The following FYB2 variants were observed in gnomAD, a reference collection of about 807,000 sequenced individuals.
FYB2 encodes FYN binding protein 2, also known as FYN-binding protein 2.
Under a neutral mutation model 94.1 loss-of-function variants are expected in FYB2, and 103 were observed. The observed-to-expected ratio is 1.09, with a 90% confidence interval of 0.93 to 1.29. FYB2 has a LOEUF of 1.29. FYB2 is among the 50% of genes most tolerant of loss of function. FYB2 has a pLI of 0.00. For missense variants in FYB2, 896 were observed against 841.5 expected (o/e 1.06, Z -0.80); for synonymous variants, 293 against 287.9 (o/e 1.02, Z -0.18).
rs752932085 is a variant in FYB2, at chr1:56,789,140, C to A, written c.758-6G>T. 6.4e-7 allele frequency: 1 copy of A among 1,552,988 alleles called. No homozygotes were observed. Among genetic ancestry groups the A allele is most frequent in the Non-Finnish European group, 8.7e-7 (1 of 1,154,242 alleles). On this transcript the variant is annotated splice_polypyrimidine_tract_variant and splice_region_variant and intron_variant, in intron 2 of 19. Transcript: ENST00000343433. ...CCTGACATCTGGCTGTTTTTCTGAA[C>A]ACAAGACAGTAAAAAATGTAAGTTA...
intron 3 of FYB2, 184 bp downstream of exon 3, chr1:56,788,789 A>G: frequency 1.3e-6 from 1 of 776,134 alleles, no homozygotes; most frequent in East Asian, 2.7e-5. Flanking sequence ...TAGGAGCGAT[A>G]AAGGGCCAAT....
intron 1 of FYB2, among the ~76,000 whole-genome samples, chr1:56,816,909 A>T (rs1188843379): frequency 6.9e-6 from 1 of 144,604 alleles, no homozygotes; most frequent in Non-Finnish European, 1.5e-5. Flanking sequence ...TGCTGACCCT[A>T]CCTTTAATCT....
chr1:56,744,023 T>TA lies in FYB2; in HGVS notation c.1543+2dup. ...AACTTCAGAAATGTCTTCCTATACT[T>TA]ACCACTACTTGAGGCAAGTGAGCTA... On this transcript the variant is annotated splice_region_variant and intron_variant, in intron 11 of 19. Coordinates refer to ENST00000343433, the MANE Select transcript of FYB2 (RefSeq NM_001004303.5). 1.2e-6 allele frequency: 2 copies of TA among 1,612,042 alleles called. No homozygotes were observed. Among genetic ancestry groups the TA allele is most frequent in the Non-Finnish European group, 1.7e-6 (2 of 1,179,066 alleles).
intron 2 of FYB2, among the ~76,000 whole-genome samples, chr1:56,791,534 C>G (rs1405301303): frequency 2.0e-5 from 3 of 152,138 alleles, no homozygotes; most frequent in Non-Finnish European, 4.4e-5. Flanking sequence ...AGGCATAAGC[C>G]ACCGTGCCCA....
At chr1:56,810,507 A>G (rs1646743880) in intron 1 of FYB2, among the ~76,000 whole-genome samples, 1 of 152,038 alleles carries the variant, frequency 6.6e-6, no homozygotes, top group Non-Finnish European at 1.5e-5. Flanking sequence ...CAATTCACAC[A>G]CCCATTTTCC....
chr1:56,746,383 T>C (rs889404177), intron 9 of FYB2, among the ~76,000 whole-genome samples: 3 of 152,018 alleles, frequency 2.0e-5, no homozygotes, highest in African/African-American at 7.2e-5. Flanking sequence ...TCCATGTTTT[T>C]CTTATCTTCA....
Position 56,755,444 on chromosome 1 carries a change from G to C in FYB2, c.1130+452C>G, listed in dbSNP as rs548470178. On this transcript the variant is annotated intron_variant, in intron 7 of 19. Coordinates refer to ENST00000343433, the MANE Select transcript of FYB2 (RefSeq NM_001004303.5). ...TGGATTAGTAGAAGCTTGCCAGACT[G>C]TTAAATTGGGGTGAATCAATGACTT... Among the ~76,000 whole-genome samples the C allele has an allele frequency of 1.2e-4, 18 of 152,200 alleles. 1 individual carries two copies. The South Asian group carries it at 2.1e-3, about 18-fold the overall frequency.
intron 2 of FYB2, among the ~76,000 whole-genome samples, chr1:56,791,436 A>C (rs535683582): frequency 6.6e-6 from 1 of 152,122 alleles, no homozygotes; most frequent in East Asian, 1.9e-4. Context: ...TTGTATTTTT[A>C]ATAGAGATGG....
At chr1:56,762,157 T>C (rs888115759) in intron 5 of FYB2, 1 of 152,230 alleles carries the variant, frequency 6.6e-6, no homozygotes, top group African/African-American at 2.4e-5. Flanking sequence ...AAAACTGATA[T>C]ACTAATGCCT....
chr1:56,753,992 T>A (rs1417142421), intron 7 of FYB2, 57 bp from the exon 8 acceptor site: 7 of 1,050,270 alleles, frequency 6.7e-6, no homozygotes, highest in Non-Finnish European at 1.0e-5. Context: ...TAAATGATAG[T>A]GTACTGTCCA....
chr1:56,817,303 T>C (rs948085575), intron 1 of FYB2, among the ~76,000 whole-genome samples: 2 of 152,246 alleles, frequency 1.3e-5, no homozygotes, highest in South Asian at 4.1e-4. Context: ...TACTTCTCTG[T>C]AGAATGTTCT....
chr1:56,806,946 A>T (rs1646661382), intron 1 of FYB2, among the ~76,000 whole-genome samples: 1 of 152,220 alleles, frequency 6.6e-6, no homozygotes, highest in African/African-American at 2.4e-5. Flanking sequence ...GCCTGAAGTC[A>T]GAATTTATGA....
chr1:56,760,701 T>C (rs915217620), intron 5 of FYB2, among the ~76,000 whole-genome samples: 1 of 152,172 alleles, frequency 6.6e-6, no homozygotes, highest in African/African-American at 2.4e-5. Context: ...TATTACTTAT[T>C]CTGTCTTAGA....
chr1:56,805,710 A>G (rs1271362430), intron 1 of FYB2, among the ~76,000 whole-genome samples: 1 of 152,100 alleles, frequency 6.6e-6, no homozygotes, highest in Non-Finnish European at 1.5e-5. Context: ...ACGGGGGCAA[A>G]TCTTTCCTGT....
At position 56,744,228 on chromosome 1, in the gene FYB2, G is replaced by C; in HGVS notation, c.1426C>G (p.Pro476Ala). The change falls in exon 10 of 20, where the codon CCA (proline) becomes GCA (alanine). Residue 476 changes from proline (P) to alanine (A), a missense_variant. Pro to Ala is a conservative substitution (Grantham distance 27). Transcript: ENST00000343433. The part of the protein sequence containing the change: ...LEVLESTKET[P>A]DLGVSKTSSI... ...CTTGTCTTAGAGACCCCTAGGTCTG[G>C]AGTTTCTTTAGTTGACTCCAAAACC... The C allele has an allele frequency of 6.2e-7, 1 of 1,612,262 alleles. No individual in the cohort carries two copies. Among genetic ancestry groups the C allele is most frequent in the Non-Finnish European group, 8.5e-7 (1 of 1,179,208 alleles).
At chr1:56,825,025 T>G in the FYB2 span, 1 of 152,346 alleles carries the variant, frequency 6.6e-6, no homozygotes, top group Non-Finnish European at 1.5e-5. Flanking sequence ...CATTGTCTCC[T>G]AGAGCAGAAG....
At chr1:56,797,795 C>T (rs915330028) in intron 1 of FYB2, among the ~76,000 whole-genome samples, 5 of 152,208 alleles carry the variant, frequency 3.3e-5, no homozygotes, top group African/African-American at 1.2e-4. Context: ...GTTTGAGTAT[C>T]TGCAACGACA....
At chr1:56,803,177 A>G (rs1646560793) in intron 1 of FYB2, among the ~76,000 whole-genome samples, 1 of 152,206 alleles carries the variant, frequency 6.6e-6, no homozygotes, top group Admixed American at 6.5e-5. Flanking sequence ...CGTAAATCCT[A>G]GTGTGGTCTG....
chr1:56,789,852 G>A (rs1280058430), intron 2 of FYB2, among the ~76,000 whole-genome samples: 1 of 152,136 alleles, frequency 6.6e-6, no homozygotes, highest in East Asian at 1.9e-4. Flanking sequence ...TGTTCTTCAA[G>A]CACTTATGAC....
Sources: gnomAD v4.1 joint callset for allele counts (sites outside exome capture counted in the v4.1 genomes callset) on GRCh38, gnomAD v4.1.1 for gene constraint, MANE v1.5 for transcripts, NCBI Gene and HGNC (gene_info 2026-07-23, HGNC 2026-07-21) for gene names.